The following EYS variants were observed in gnomAD, a reference collection of about 807,000 sequenced individuals.
EYS encodes the protein EGF-like photoreceptor maintenance factor, also known as protein eyes shut homolog.
EYS carries 250 observed loss-of-function variants against 282.1 expected under a neutral mutation model. The observed-to-expected ratio is 0.89, with a 90% CI of 0.80 to 0.98. EYS has a LOEUF of 0.98. Among genes scored for constraint, EYS ranks in the 50% least tolerant of loss-of-function variants. The pLI is 0.00. For missense variants in EYS, 4,016 were observed against 3,709.0 expected (o/e 1.08, Z -2.15); for synonymous variants, 1,355 against 1,282.9 (o/e 1.06, Z -1.20).
intron 2 of EYS, among the ~76,000 whole-genome samples, chr6:65,564,618 T>C (rs1186598116): frequency 1.3e-5 from 2 of 152,018 alleles, no homozygotes; most frequent in Non-Finnish European, 2.9e-5. Flanking sequence ...TATACAAAAA[T>C]TAACTCAAGA....
At chr6:65,317,225 A>C (rs1212365486) in intron 11 of EYS, among the ~76,000 whole-genome samples, 1 of 152,182 alleles carries the variant, frequency 6.6e-6, no homozygotes, top group Non-Finnish European at 1.5e-5. Context: ...AGATAATGGA[A>C]AAAATCTGTA....
At chr6:64,763,637 C>A (rs1773231514) in intron 22 of EYS, among the ~76,000 whole-genome samples, 2 of 152,138 alleles carry the variant, frequency 1.3e-5, no homozygotes, top group Admixed American at 6.5e-5. Flanking sequence ...TACAATCAAG[C>A]CATCCCAACA....
At position 64,407,493 on chromosome 6, in the gene EYS, C is replaced by A. The variant is rs142786075; in HGVS notation, c.5928-18653G>T. Among the ~76,000 whole-genome samples the A allele has an allele frequency of 2.2e-3, 342 of 152,132 alleles. 2 individuals carry two copies. Among genetic ancestry groups the A allele is most frequent in the African/African-American group, 7.9e-3 (329 of 41,512 alleles). On this transcript the variant is annotated intron_variant, in intron 28 of 42. Coordinates refer to ENST00000503581, the MANE Select transcript of EYS (RefSeq NM_001142800.2). ...GTTCATCAATTAATATGGAAGATAA[C>A]ACCATTTATGGCAAAACAGAGGTGC... is the stretch of plus-strand genomic sequence containing the variant.
At chr6:64,910,871 GA>G (rs1767969338) in intron 16 of EYS, among the ~76,000 whole-genome samples, 1 of 151,958 alleles carries the variant, frequency 6.6e-6, no homozygotes, top group African/African-American at 2.4e-5. Flanking sequence ...ATTAAGGTTT[GA>G]AAACAATGCC....
intron 12 of EYS, among the ~76,000 whole-genome samples, chr6:65,246,323 T>A (rs1404687495): frequency 6.6e-6 from 1 of 152,054 alleles, no homozygotes; most frequent in Non-Finnish European, 1.5e-5. Flanking sequence ...AATATGAAAA[T>A]GTATAGGGAC....
At chr6:63,740,228 T>A (rs1039201986) in intron 41 of EYS, among the ~76,000 whole-genome samples, 12 of 152,148 alleles carry the variant, frequency 7.9e-5, no homozygotes, top group South Asian at 2.1e-4. Flanking sequence ...TGGGAGGTGA[T>A]TGAGTCATGG....
intron 36 of EYS, among the ~76,000 whole-genome samples, chr6:63,808,947 T>G (rs1476751204): frequency 3.3e-5 from 5 of 152,248 alleles, no homozygotes; most frequent in African/African-American, 1.2e-4. Flanking sequence ...AAAATGTCGC[T>G]ACTAGAAAAC....
chr6:64,312,127 T>C (rs769007325), intron 29 of EYS, among the ~76,000 whole-genome samples: 11 of 152,038 alleles, frequency 7.2e-5, no homozygotes, highest in Non-Finnish European at 1.5e-4. Context: ...TAAGATCCAG[T>C]GGCCTGAAAT....
intron 35 of EYS, among the ~76,000 whole-genome samples, chr6:63,875,558 C>T (rs1372602870): frequency 1.3e-5 from 2 of 152,198 alleles, no homozygotes; most frequent in Non-Finnish European, 2.9e-5. Flanking sequence ...ACCAGCTCCT[C>T]CTTGTACCTC....
At chr6:63,853,463 A>G (rs768401544) in intron 36 of EYS, among the ~76,000 whole-genome samples, 1 of 152,084 alleles carries the variant, frequency 6.6e-6, no homozygotes, top group African/African-American at 2.4e-5. Flanking sequence ...ACTACAAACC[A>G]CTCTTCAAGG....
At chr6:64,651,476 A>G (rs529313056) in intron 22 of EYS, among the ~76,000 whole-genome samples, 9 of 152,292 alleles carry the variant, frequency 5.9e-5, no homozygotes, top group South Asian at 2.1e-4. Flanking sequence ...ATAATAAAGT[A>G]AAATAAATGA....
chr6:64,672,542 A>G (rs1044210856), intron 22 of EYS, among the ~76,000 whole-genome samples: 15 of 152,202 alleles, frequency 9.9e-5, no homozygotes, highest in African/African-American at 3.6e-4. Context: ...ATTACTCTCT[A>G]TGATGGGGAT....
chr6:65,459,994 AT>A (rs1764765992), intron 5 of EYS, among the ~76,000 whole-genome samples: 4 of 136,108 alleles, frequency 2.9e-5, no homozygotes, highest in African/African-American at 1.1e-4. Context: ...ATATATATAT[AT>A]ATATATATAT....
At chr6:65,576,488 A>T (rs553209591) in intron 2 of EYS, among the ~76,000 whole-genome samples, 1 of 152,112 alleles carries the variant, frequency 6.6e-6, no homozygotes, top group South Asian at 2.1e-4. Context: ...AATGGTAAAA[A>T]GTTGGAAGAT....
chr6:63,972,478 G>A (rs902949193), intron 35 of EYS, among the ~76,000 whole-genome samples: 4 of 152,166 alleles, frequency 2.6e-5, no homozygotes, highest in African/African-American at 9.7e-5. Flanking sequence ...ATGTAGCCTA[G>A]TCCTTATGTG....
chr6:65,243,581 A>G (rs1767106953), intron 12 of EYS, among the ~76,000 whole-genome samples: 2 of 152,280 alleles, frequency 1.3e-5, no homozygotes, highest in African/African-American at 2.4e-5. Flanking sequence ...TTTGTATGCC[A>G]TTTAAGACAA....
At position 65,340,650 on chromosome 6, in the gene EYS, A is replaced by G. The variant is rs183630559; in HGVS notation, c.1599+3388T>C. On this transcript the variant is annotated intron_variant, in intron 10 of 42. Coordinates refer to ENST00000503581, the MANE Select transcript of EYS (RefSeq NM_001142800.2). ...ATAAACTCTAACCAATCCCCACTAA[A>G]TACCCTCTACAACTGACTCAAGGCT... Among the ~76,000 whole-genome samples, 6 of 151,034 alleles carry G rather than the reference A, an allele frequency of 4.0e-5. No homozygotes were observed. In the East Asian group the frequency reaches 1.2e-3, roughly 30 times the overall value.
chr6:65,283,506 TA>T (rs1768279378), intron 12 of EYS, among the ~76,000 whole-genome samples: 1 of 152,022 alleles, frequency 6.6e-6, no homozygotes, highest in Admixed American at 6.6e-5. Flanking sequence ...CTATTTTTTT[TA>T]CATTTAAAAT....
At chr6:64,345,701 G>A (rs533593159) in intron 29 of EYS, among the ~76,000 whole-genome samples, 109 of 152,160 alleles carry the variant, frequency 7.2e-4, no homozygotes, top group African/African-American at 2.5e-3. Flanking sequence ...AGTGACAAAT[G>A]GGATCTAATT....
Sources: allele counts gnomAD v4.1 joint callset (sites outside exome capture counted in the v4.1 genomes callset), GRCh38; gene constraint gnomAD v4.1.1; transcripts MANE v1.5; gene names NCBI Gene and HGNC (gene_info 2026-07-23, HGNC 2026-07-21).